Variants in ADGRG4 observed in about 807,000 individuals in gnomAD.
ADGRG4 encodes the protein adhesion G protein-coupled receptor G4.
Under a neutral mutation model 126.2 loss-of-function variants are expected in ADGRG4, and 122 were observed. The observed-to-expected ratio is 0.97, with a 90% CI of 0.83 to 1.12. ADGRG4 has a LOEUF of 1.12. Ranked by LOEUF, ADGRG4 falls within the 50% of genes most tolerant of loss-of-function variation. The pLI is 0.00. For missense variants in ADGRG4, 2,481 were observed against 2,251.8 expected (o/e 1.10, Z -2.06); for synonymous variants, 943 against 838.7 (o/e 1.12, Z -2.15).
intron 15 of ADGRG4, among the ~76,000 whole-genome samples, chrX:136,375,558 A>G (rs1423319777): frequency 9.0e-6 from 1 of 111,693 alleles, no homozygotes; most frequent in Non-Finnish European, 1.9e-5. Context: ...TTGTTTTTTG[A>G]CTTTTTAATT....
intron 16 of ADGRG4, among the ~76,000 whole-genome samples, chrX:136,390,967 C>T (rs2075316647): frequency 9.0e-6 from 1 of 110,537 alleles, no homozygotes; most frequent in Non-Finnish European, 1.9e-5. Context: ...TTTTGAGTGT[C>T]AGCAGGGCCC....
Position 136,349,670 on chromosome X carries a change from C to T in ADGRG4, c.5964C>T (p.Leu1988=), listed in dbSNP as rs970095187. 2.5e-6 allele frequency: 3 copies of T among 1,208,546 alleles called. No individual in the cohort carries two copies. The African/African-American group carries it at 5.3e-5, about 21-fold the overall frequency. The change falls in exon 6 of 26, where the codon CTC becomes CTT. Residue 1988 remains leucine (L), a synonymous_variant. Coordinates refer to ENST00000394143, the MANE Select transcript of ADGRG4 (RefSeq NM_153834.4). The stretch of plus-strand genomic sequence containing the variant: ...CATCTGTAACTCCTGGGACCACACT[C>T]CCATCAATTCTTTCTGGTGCCACTT... ...MTTSVTPGTT[L]PSILSGATSG... is the part of the protein sequence containing the mutation.
intron 22 of ADGRG4, among the ~76,000 whole-genome samples, chrX:136,404,381 A>G (rs2075394367): frequency 9.0e-6 from 1 of 111,632 alleles, no homozygotes; most frequent in South Asian, 3.8e-4. Context: ...ACTTTTTCCC[A>G]AAAGAGATTT....
At chrX:136,339,450 G>C in intron 5 of ADGRG4, among the ~76,000 whole-genome samples, 1 of 111,634 alleles carries the variant, frequency 9.0e-6, no homozygotes, top group East Asian at 2.8e-4. Context: ...TGCTTCTCTT[G>C]GTTGCTTATT....
chrX:136,405,843 C>T lies in ADGRG4; in HGVS notation c.8806C>T (p.Leu2936=). Residue 2936 remains leucine, a synonymous_variant, in exon 23 of 26, where the codon CTG becomes TTG. Transcript: ENST00000394143. ...CCAGAAGACTCGGCGGAAGATGATCCTGCATGACCTCAAAGGCACAATGAG... is the reference window on the plus strand; with the variant it reads ...CCAGAAGACTCGGCGGAAGATGATCTTGCATGACCTCAAAGGCACAATGAG... ...QIQKTRRKMI[L]HDLKGTMSLT... 8.3e-7 allele frequency: 1 copy of T among 1,209,882 alleles called. No individual in the cohort carries two copies. Among genetic ancestry groups the T allele is most frequent in the Non-Finnish European group, 1.1e-6 (1 of 894,616 alleles).
chrX:136,314,061 A>G (rs1460133626), intron 4 of ADGRG4, among the ~76,000 whole-genome samples: 1 of 111,104 alleles, frequency 9.0e-6, no homozygotes, highest in Non-Finnish European at 1.9e-5. Flanking sequence ...AATACATCCT[A>G]AATCTGACCG....
At chrX:136,413,493 A>G (rs968382375) in intron 24 of ADGRG4, among the ~76,000 whole-genome samples, 5 of 110,840 alleles carry the variant, frequency 4.5e-5, no homozygotes, top group African/African-American at 1.6e-4. Flanking sequence ...AGAATCTACA[A>G]TGAACTCAAA....
intron 20 of ADGRG4, among the ~76,000 whole-genome samples, chrX:136,398,648 G>A (rs905375295): frequency 8.9e-6 from 1 of 112,153 alleles, no homozygotes; most frequent in African/African-American, 3.2e-5. Flanking sequence ...CAAGCATGTG[G>A]AACAACTGGA....
At chrX:136,415,918 A>G (rs1424288977) in intron 25 of ADGRG4, among the ~76,000 whole-genome samples, 1 of 111,995 alleles carries the variant, frequency 8.9e-6, no homozygotes, top group East Asian at 2.8e-4. Flanking sequence ...TCATCAGTTG[A>G]GAGGAACTGA....
chrX:136,356,190 T>A (rs758839861), intron 9 of ADGRG4, 25 bp downstream of exon 9: 1 of 1,091,623 alleles, frequency 9.2e-7, no homozygotes, highest in South Asian at 2.0e-5. Flanking sequence ...AAAATGAATC[T>A]ACTTGTGACC....
chrX:136,312,805 C>T (rs1033945649), intron 4 of ADGRG4, among the ~76,000 whole-genome samples: 9 of 111,158 alleles, frequency 8.1e-5, no homozygotes, highest in African/African-American at 2.9e-4. Context: ...ATACCATACT[C>T]TCCGTTCCTC....
At chrX:136,372,806 C>T (rs1417546417) in intron 14 of ADGRG4, 96 bp from the exon 15 acceptor site, 1 of 854,773 alleles carries the variant, frequency 1.2e-6, no homozygotes, top group African/African-American at 2.0e-5. Context: ...GTGATTAAAA[C>T]TCAAAGAAAA....
At chrX:136,373,896 T>C (rs1020453605) in intron 15 of ADGRG4, among the ~76,000 whole-genome samples, 1 of 111,029 alleles carries the variant, frequency 9.0e-6, no homozygotes, top group Non-Finnish European at 1.9e-5. Context: ...GACCAGAAGA[T>C]CAAGGATGCA....
chrX:136,350,514 C>A lies in ADGRG4; in HGVS notation c.6727+81C>A, dbSNP rs774549157. ...CATGTGTTCTCCAAAGTGGCCCGTT[C>A]TTGGAAGGCAGAAAAGAATGAAGAA... On this transcript the variant is annotated intron_variant, in intron 6 of 25. Transcript: ENST00000394143. 88 of 966,034 alleles carry A rather than the reference C, an allele frequency of 9.1e-5. No individual in the cohort carries two copies. In the South Asian group the frequency reaches 1.5e-3, roughly 17 times the overall value. 79.6% of individuals were successfully genotyped at this position (966,034 alleles called of 1,213,427 possible).
At chrX:136,338,648 G>A (rs754871153) in intron 5 of ADGRG4, among the ~76,000 whole-genome samples, 1 of 111,896 alleles carries the variant, frequency 8.9e-6, no homozygotes, top group African/African-American at 3.2e-5. Flanking sequence ...TTATTTATAT[G>A]ATGATTGCTT....
chrX:136,314,187 C>T (rs1391970261), intron 4 of ADGRG4, among the ~76,000 whole-genome samples: 1 of 111,476 alleles, frequency 9.0e-6, no homozygotes, highest in Non-Finnish European at 1.9e-5. Context: ...AATGTTCTCC[C>T]TGCTTTCACT....
At position 136,345,126 on chromosome X, in the gene ADGRG4, A is replaced by G; in HGVS notation, c.1420A>G (p.Ile474Val). 3 of 1,211,434 alleles carry G rather than the reference A, an allele frequency of 2.5e-6. No homozygotes were observed. Among genetic ancestry groups the G allele is most frequent in the Middle Eastern group, 2.3e-4 (1 of 4,347 alleles). ...ATCATTCCCACCTGAGCCTGTGCTC[A>G]TCTCCACAGCTGCTCCAGTAGATTC... ...ASSFPPEPVLISTAAPVDSVF... is the reference protein window; with the variant it reads ...ASSFPPEPVLVSTAAPVDSVF... The change falls in exon 6 of 26, where the codon ATC (isoleucine) becomes GTC (valine). Residue 474 changes from isoleucine to valine, a missense_variant. By Grantham distance (29) the Ile-to-Val change is conservative. Transcript: ENST00000394143.
chrX:136,381,979 G>A (rs187025237), intron 15 of ADGRG4, among the ~76,000 whole-genome samples: 19 of 111,107 alleles, frequency 1.7e-4, no homozygotes, highest in African/African-American at 5.9e-4. Flanking sequence ...AATTAAGGGT[G>A]GGTCTGCCTT....
At chrX:136,368,641 T>C (rs1382128830) in intron 13 of ADGRG4, among the ~76,000 whole-genome samples, 1 of 111,960 alleles carries the variant, frequency 8.9e-6, no homozygotes, top group Non-Finnish European at 1.9e-5. Flanking sequence ...CTCTCCTCCA[T>C]GGCTGAATAC....
Sources: gnomAD v4.1 joint callset for allele counts (sites outside exome capture counted in the v4.1 genomes callset) on GRCh38, gnomAD v4.1.1 for gene constraint, MANE v1.5 for transcripts, NCBI Gene and HGNC (gene_info 2026-07-23, HGNC 2026-07-21) for gene names.